Variants in KLF13 observed in about 807,000 individuals in gnomAD.
KLF13 encodes the protein KLF transcription factor 13.
In KLF13, 8 loss-of-function variants were observed where a neutral mutation model predicts 16.7. That is an observed-to-expected ratio of 0.48 (90% confidence interval 0.28 to 0.87). The LOEUF (loss-of-function observed/expected upper bound fraction) is 0.87. Among genes scored for constraint, KLF13 ranks in the 40% least tolerant of loss-of-function variants. The pLI is 0.10. For missense variants in KLF13, 447 were observed against 452.2 expected (o/e 0.99, Z 0.10); for synonymous variants, 245 against 208.4 (o/e 1.18, Z -1.51).
chr15:31,361,684 C>T (rs141728803), intron 1 of KLF13, among the ~76,000 whole-genome samples: 2,760 of 152,142 alleles, frequency 0.018, 51 homozygotes, highest in Non-Finnish European at 0.027. Flanking sequence ...CCTAGAGAGC[C>T]GGCTGGGAGC....
At chr15:31,405,057 T>A (rs143556221), downstream of KLF13, among the ~76,000 whole-genome samples, 432 of 152,240 alleles carry the variant, frequency 2.8e-3, 4 homozygotes, top group African/African-American at 9.6e-3. Flanking sequence ...CTGAAACTCA[T>A]ATGTTGAGTT....
chr15:31,429,448 G>A (rs7170922), intron 1 of KLF13, among the ~76,000 whole-genome samples: 85,778 of 151,934 alleles, frequency 0.56, 24,936 homozygotes, highest in South Asian at 0.68. Context: ...GGAATAGTGA[G>A]TTATTATTTA....
chr15:31,339,940 A>G, intron 1 of KLF13: 1 of 702,260 alleles, frequency 1.4e-6, no homozygotes, highest in Non-Finnish European at 2.6e-6. Flanking sequence ...TGCTCTGCCC[A>G]CCCATGGATT....
chr15:31,405,645 G>A (rs2040118344), downstream of KLF13, among the ~76,000 whole-genome samples: 3 of 152,166 alleles, frequency 2.0e-5, no homozygotes, highest in Admixed American at 2.0e-4. Context: ...TTGTAAAGAT[G>A]AGGAAGCTGG....
At chr15:31,330,785 C>T (rs2038816084) in intron 1 of KLF13, among the ~76,000 whole-genome samples, 1 of 152,244 alleles carries the variant, frequency 6.6e-6, no homozygotes, top group Non-Finnish European at 1.5e-5. Context: ...TAACACAAAA[C>T]CAAGAAAAAC....
At chr15:31,419,444 T>C (rs933464362) in intron 1 of KLF13, among the ~76,000 whole-genome samples, 7 of 151,894 alleles carry the variant, frequency 4.6e-5, no homozygotes, top group Non-Finnish European at 1.5e-5. Context: ...ATTAACAAAG[T>C]GACAATATGA....
intron 1 of KLF13, among the ~76,000 whole-genome samples, chr15:31,370,437 GAGAC>G (rs1349600491): frequency 7.6e-6 from 1 of 132,300 alleles, no homozygotes; most frequent in Non-Finnish European, 1.6e-5. Context: ...TTTTTTTTTT[GAGAC>G]AGACCCTTGC....
upstream of KLF13, among the ~76,000 whole-genome samples, chr15:31,391,904 G>A (rs1045317220): frequency 6.6e-6 from 1 of 152,140 alleles, no homozygotes; most frequent in Non-Finnish European, 1.5e-5. Flanking sequence ...GATCTGTGAA[G>A]GCCCCGGGAA....
At chr15:31,425,257 C>T (rs963853028) in intron 1 of KLF13, among the ~76,000 whole-genome samples, 13 of 152,136 alleles carry the variant, frequency 8.5e-5, no homozygotes, top group African/African-American at 3.1e-4. Context: ...AATCCAATGA[C>T]ATCTTTGAAG....
Position 31,342,950 on chromosome 15 carries a change from C to T in KLF13, c.577+15161C>T, listed in dbSNP as rs554888035. On this transcript the variant is annotated intron_variant, in intron 1 of 1. Coordinates refer to ENST00000307145, the MANE Select transcript of KLF13 (RefSeq NM_015995.4). ...GAGAGCATGGCCTTCCTCGCTCTCCCGGCGTCTGATTGCTCCGTGGACACT... is the reference window on the plus strand; with the variant it reads ...GAGAGCATGGCCTTCCTCGCTCTCCTGGCGTCTGATTGCTCCGTGGACACT... Among the ~76,000 whole-genome samples, 3 of 152,332 alleles carry T rather than the reference C, an allele frequency of 2.0e-5. No individual in the cohort carries two copies. In the South Asian group the frequency reaches 6.2e-4, roughly 32 times the overall value.
rs2040364170 is a variant in KLF13 at position 31,423,171 on chromosome 15, A to ATATATATATATG, written n.118-12195_118-12194insTATATATGTATA. Among the ~76,000 whole-genome samples the ATATATATATATG allele has an allele frequency of 5.8e-5, 2 of 34,194 alleles. 1 individual carries two copies. Among genetic ancestry groups the ATATATATATATG allele is most frequent in the African/African-American group, 2.6e-4 (2 of 7,784 alleles). 22.4% of individuals were successfully genotyped at this position (34,194 alleles called of 152,430 possible). A position where few individuals can be genotyped will look rare whatever the true frequency, so the allele number is the denominator to read the frequency against. ...TATATATACGTATATATATGTATAT[A>ATATATATATATG]TATACATATATACGTATATATATAT... is the stretch of plus-strand genomic sequence containing the variant. On this transcript the variant is annotated intron_variant and non_coding_transcript_variant, in intron 1 of 1. Transcript: ENST00000558225.
intron 1 of KLF13, among the ~76,000 whole-genome samples, chr15:31,358,910 T>A (rs1236855348): frequency 6.6e-6 from 1 of 152,212 alleles, no homozygotes; most frequent in East Asian, 1.9e-4. Context: ...CCCTTCAAGA[T>A]GGCAGAGGAA....
chr15:31,399,673 T>C (rs2040006927), intron 2 of KLF13, among the ~76,000 whole-genome samples: 1 of 152,160 alleles, frequency 6.6e-6, no homozygotes, highest in African/African-American at 2.4e-5. Context: ...ACAAGGGGTG[T>C]GGTCTCAGAG....
chr15:31,371,487 C>T (rs1008327613), intron 1 of KLF13, among the ~76,000 whole-genome samples: 3 of 152,254 alleles, frequency 2.0e-5, no homozygotes, highest in Non-Finnish European at 4.4e-5. Flanking sequence ...CGGAACTCAC[C>T]TACGCTGACC....
At chr15:31,422,762 C>T (rs954266424) in intron 1 of KLF13, among the ~76,000 whole-genome samples, 3 of 152,090 alleles carry the variant, frequency 2.0e-5, no homozygotes, top group Admixed American at 2.0e-4. Context: ...CAGCTGGGCG[C>T]AGTGGCTCAG....
At position 31,327,325 on chromosome 15, in the gene KLF13, C is replaced by A; in HGVS notation, c.113C>A (p.Ala38Glu). Residue 38 changes from alanine to glutamate, a missense_variant, in exon 1 of 2, where the codon GCG becomes GAG. By Grantham distance (107) the Ala-to-Glu change is moderately radical. Around this residue, in one of 2 missense-constraint regions of KLF13, gnomAD observed 359 missense variants for 282.8 expected, o/e 1.27. Coordinates refer to ENST00000307145, the MANE Select transcript of KLF13 (RefSeq NM_015995.4). ...GGGCCGGAGTCCCGGCCCGAGGGCG[C>A]GGCCGTGGCCGCCACCCCCACGCTG... Reference protein sequence around the residue: ...REGPESRPEGAAVAATPTLPR... With the variant: ...REGPESRPEGEAVAATPTLPR... 7.8e-7 allele frequency: 1 copy of A among 1,278,888 alleles called. No homozygotes were observed. Among genetic ancestry groups the A allele is most frequent in the Non-Finnish European group, 9.8e-7 (1 of 1,016,766 alleles). 79.2% of individuals were successfully genotyped at this position (1,278,888 alleles called of 1,614,324 possible).
chr15:31,371,798 C>T (rs576750951), intron 1 of KLF13, among the ~76,000 whole-genome samples: 19 of 152,338 alleles, frequency 1.2e-4, no homozygotes, highest in African/African-American at 4.1e-4. Flanking sequence ...TATCCTAGGC[C>T]GTGTCCTCTG....
At chr15:31,391,699 G>C (rs2039872800), upstream of KLF13, among the ~76,000 whole-genome samples, 1 of 151,076 alleles carries the variant, frequency 6.6e-6, no homozygotes, top group Non-Finnish European at 1.5e-5. Context: ...GGCTGTGTGG[G>C]GGCTCTGTAG....
At chr15:31,420,629 A>G (rs1335248572) in intron 1 of KLF13, 4 of 405,586 alleles carry the variant, frequency 9.9e-6, no homozygotes, top group Non-Finnish European at 1.9e-5. Flanking sequence ...CAAGAAACCT[A>G]TTCAAAGCAG....
Sources: gnomAD v4.1 joint callset for allele counts (sites outside exome capture counted in the v4.1 genomes callset) on GRCh38, gnomAD v4.1.1 for gene constraint, gnomAD v4.1.1 regional missense constraint, MANE v1.5 for transcripts, NCBI Gene and HGNC (gene_info 2026-07-23, HGNC 2026-07-21) for gene names.